The following EFR3B variants were observed in gnomAD, a reference collection of about 807,000 sequenced individuals.
EFR3B encodes the protein protein EFR3 homolog B.
Under a neutral mutation model 104.7 loss-of-function variants are expected in EFR3B, and 64 were observed. The observed-to-expected ratio is 0.61, with a 90% CI of 0.50 to 0.75. The LOEUF (loss-of-function observed/expected upper bound fraction) is 0.75. Ranked by LOEUF, EFR3B falls within the 30% of genes least tolerant of loss-of-function variation. The pLI, the probability that EFR3B is intolerant of heterozygous loss-of-function variation, is 0.00. For synonymous variants in EFR3B, 385 were observed against 417.9 expected (o/e 0.92, Z 0.96); for missense variants, 750 against 1,078.5 (o/e 0.70, Z 4.27).
intron 1 of EFR3B, among the ~76,000 whole-genome samples, chr2:25,053,472 C>G (rs1667936545): frequency 6.6e-6 from 1 of 152,232 alleles, no homozygotes; most frequent in Admixed American, 6.5e-5. Flanking sequence ...AAGGCTGGGC[C>G]ACACACACAC....
intron 1 of EFR3B, among the ~76,000 whole-genome samples, chr2:25,052,563 G>A (rs34176513): frequency 0.097 from 13,946 of 144,094 alleles, 856 homozygotes; most frequent in East Asian, 0.25. Flanking sequence ...GTGCAGTGGC[G>A]TGATCTCTGC....
intron 1 of EFR3B, among the ~76,000 whole-genome samples, chr2:25,073,119 A>G (rs1668540988): frequency 6.6e-6 from 1 of 152,200 alleles, no homozygotes; most frequent in Admixed American, 6.5e-5. Context: ...TGACAATTCA[A>G]CACCCAGATA....
chr2:25,133,585 G>A (rs747999572), intron 12 of EFR3B, among the ~76,000 whole-genome samples, 151 bp downstream of exon 12: 57 of 152,190 alleles, frequency 3.7e-4, no homozygotes, highest in Non-Finnish European at 6.9e-4. Context: ...TCTAGCCTAC[G>A]TTCCACTCAC....
chr2:25,080,283 C>CTTTTTTTTTTTT lies in EFR3B; in HGVS notation c.8-11025_8-11014dup. ...AGCTGGCTGGAGTCCCTCCCCAAAG[C>CTTTTTTTTTTTT]TTTTTTTTTTTTTTTTTTTTTTTTT... On this transcript the variant is annotated intron_variant, in intron 1 of 22. Transcript: ENST00000403714. 140 of 154,966 alleles carry CTTTTTTTTTTTT rather than the reference C, an allele frequency of 9.0e-4. 10 individuals carry two copies. Among genetic ancestry groups the CTTTTTTTTTTTT allele is most frequent in the African/African-American group, 3.5e-3 (27 of 7,614 alleles). The allele number at this position is 154,966 out of a possible 1,614,324, so 9.6% of individuals were successfully genotyped here. A position where few individuals can be genotyped will look rare whatever the true frequency, so the allele number is the denominator to read the frequency against.
intron 1 of EFR3B, among the ~76,000 whole-genome samples, chr2:25,046,494 G>T (rs1356471092): frequency 6.9e-6 from 1 of 144,310 alleles, no homozygotes; most frequent in Non-Finnish European, 1.5e-5. Context: ...GGCTCCCCCT[G>T]AAGTACAAAG....
chr2:25,104,569 A>C (rs1401760397), intron 4 of EFR3B, among the ~76,000 whole-genome samples: 2 of 152,236 alleles, frequency 1.3e-5, no homozygotes, highest in Non-Finnish European at 2.9e-5. Context: ...TTTTGAGGGC[A>C]GGAAGAACCC....
At chr2:25,046,912 C>A (rs528086436) in intron 1 of EFR3B, among the ~76,000 whole-genome samples, 45 of 152,288 alleles carry the variant, frequency 3.0e-4, no homozygotes, top group Admixed American at 2.9e-3. Context: ...GCCTCCTCCC[C>A]CAGATCCTAA....
At chr2:25,087,807 T>C (rs1271900558) in intron 1 of EFR3B, among the ~76,000 whole-genome samples, 1 of 152,164 alleles carries the variant, frequency 6.6e-6, no homozygotes, top group Admixed American at 6.5e-5. Flanking sequence ...ATGAATTCCA[T>C]TTTATCAGTT....
chr2:25,064,624 C>A (rs1465762569), intron 1 of EFR3B, among the ~76,000 whole-genome samples: 1 of 152,076 alleles, frequency 6.6e-6, no homozygotes. Context: ...TGCTTCTTAC[C>A]CCCAGAGTCC....
At chr2:25,125,823 C>T (rs1338822738) in intron 5 of EFR3B, among the ~76,000 whole-genome samples, 2 of 152,156 alleles carry the variant, frequency 1.3e-5, no homozygotes, top group Non-Finnish European at 2.9e-5. Flanking sequence ...TGGCGGGCGC[C>T]TGTAGTCCCA....
At chr2:25,104,669 C>G (rs1351848451) in intron 4 of EFR3B, among the ~76,000 whole-genome samples, 1 of 152,210 alleles carries the variant, frequency 6.6e-6, no homozygotes, top group African/African-American at 2.4e-5. Flanking sequence ...AGTGATGTCC[C>G]CAGGACAAAG....
chr2:25,055,330 G>A (rs960617789), intron 1 of EFR3B, among the ~76,000 whole-genome samples: 1 of 152,166 alleles, frequency 6.6e-6, no homozygotes, highest in Non-Finnish European at 1.5e-5. Flanking sequence ...TTAACTTGTG[G>A]CCTTACATCT....
chr2:25,087,444 A>T (rs1668985820), intron 1 of EFR3B, among the ~76,000 whole-genome samples: 1 of 150,616 alleles, frequency 6.6e-6, no homozygotes, highest in Non-Finnish European at 1.5e-5. Context: ...CTAGTCTATG[A>T]CTTTTCATTC....
chr2:25,132,366 G>C (rs527933268), intron 10 of EFR3B, among the ~76,000 whole-genome samples: 128 of 152,230 alleles, frequency 8.4e-4, no homozygotes, highest in African/African-American at 2.9e-3. Flanking sequence ...TAAGAGAAAA[G>C]AATGAGGAAG....
intron 1 of EFR3B, among the ~76,000 whole-genome samples, chr2:25,044,824 GCCTCTGCCCT>G (rs1470165691): frequency 6.6e-6 from 1 of 152,058 alleles, no homozygotes; most frequent in Non-Finnish European, 1.5e-5. Flanking sequence ...TCCTCACCCT[GCCTCTGCCCT>G]CCACAGCTCA....
chr2:25,054,838 G>A (rs1667975873), intron 1 of EFR3B, among the ~76,000 whole-genome samples: 1 of 152,166 alleles, frequency 6.6e-6, no homozygotes, highest in South Asian at 2.1e-4. Flanking sequence ...ACTGATCACC[G>A]TGAACACTTC....
chr2:25,060,143 C>G (rs992705703), intron 1 of EFR3B, among the ~76,000 whole-genome samples: 14 of 152,152 alleles, frequency 9.2e-5, no homozygotes, highest in African/African-American at 3.1e-4. Context: ...TTGCAGTGAG[C>G]TGAGATCACG....
intron 1 of EFR3B, among the ~76,000 whole-genome samples, chr2:25,084,536 G>A (rs1325715312): frequency 2.6e-5 from 4 of 152,170 alleles, no homozygotes; most frequent in Non-Finnish European, 4.4e-5. Context: ...ACCGTGACCG[G>A]CCAGTCTCAG....
intron 1 of EFR3B, chr2:25,080,283 CTTTTTTTTTTTTTTTTTT>C (rs563438610): frequency 2.6e-5 from 4 of 154,970 alleles, no homozygotes; most frequent in Admixed American, 1.1e-4. Context: ...CTCCCCAAAG[CTTTTTTTTTTTTTTTTTT>C]TTTTTTTTTT....
Sources: allele counts gnomAD v4.1 joint callset (sites outside exome capture counted in the v4.1 genomes callset), GRCh38; gene constraint gnomAD v4.1.1; transcripts MANE v1.5; gene names NCBI Gene and HGNC (gene_info 2026-07-23, HGNC 2026-07-21).